SOX5: variants seen among roughly 807,000 people sequenced by gnomAD.
The protein encoded by SOX5 is transcription factor SOX-5.
In SOX5, 9 loss-of-function variants were observed where a neutral mutation model predicts 92.0. The ratio of observed to expected loss-of-function variants is 0.10; its 90% CI spans 0.06 to 0.17. The LOEUF is 0.17. SOX5 is among the 10% of genes least tolerant of loss of function. SOX5 has a pLI of 1.00. For missense variants in SOX5, 642 were observed against 944.5 expected (o/e 0.68, Z 4.20); for synonymous variants, 344 against 336.3 (o/e 1.02, Z -0.25).
At chr12:24,308,194 G>A (rs543760588) in intron 2 of SOX5, among the ~76,000 whole-genome samples, 12 of 152,242 alleles carry the variant, frequency 7.9e-5, no homozygotes, top group African/African-American at 2.2e-4. Flanking sequence ...GTGAGCATGC[G>A]TAGAACTCCA....
rs562762713 is a variant in SOX5 at position 23,913,944 on chromosome 12, G to T, written c.39-17920C>A. On this transcript the variant is annotated intron_variant, in intron 1 of 14. Coordinates refer to ENST00000451604, the MANE Select transcript of SOX5 (RefSeq NM_006940.6). Reference sequence around the variant, plus strand: ...TTATTATCCAATAGCTTAGTCTATAGTGGTCTGATCCAGCATTTCATCCTT... The same window carrying T: ...TTATTATCCAATAGCTTAGTCTATATTGGTCTGATCCAGCATTTCATCCTT... Among the ~76,000 whole-genome samples, 6 of 152,222 alleles carry T rather than the reference G, an allele frequency of 3.9e-5. No individual in the cohort carries two copies. In the East Asian group the frequency reaches 9.6e-4, roughly 24 times the overall value.
intron 11 of SOX5, among the ~76,000 whole-genome samples, chr12:23,559,029 C>T (rs1024699222): frequency 2.6e-5 from 4 of 152,188 alleles, no homozygotes; most frequent in Admixed American, 1.3e-4. Flanking sequence ...GTGACACAAA[C>T]GGAAAAGCTT....
Position 24,505,862 on chromosome 12 carries a change from T to TGTGTGTGCGCGCGC in SOX5, c.-251+56466_-251+56467insGCGCGCGCACACAC, listed in dbSNP as rs1555327830. On this transcript the variant is annotated intron_variant, in intron 1 of 4. Transcript: ENST00000446891. ...GTGTGTGTGTGTGTGTGCGTGTGTG[T>TGTGTGTGCGCGCGC]GTGTGTGTGTGCGCATCACTGCAGG... Among the ~76,000 whole-genome samples the TGTGTGTGCGCGCGC allele has an allele frequency of 2.1e-3, 289 of 140,114 alleles. 1 individual carries two copies. Among genetic ancestry groups the TGTGTGTGCGCGCGC allele is most frequent in the African/African-American group, 7.3e-3 (278 of 38,268 alleles). The allele number at this position is 140,114 out of a possible 152,430, so 91.9% of individuals were successfully genotyped here.
intron 2 of SOX5, among the ~76,000 whole-genome samples, chr12:24,292,532 C>A (rs1392939897): frequency 6.6e-6 from 1 of 152,126 alleles, no homozygotes; most frequent in Non-Finnish European, 1.5e-5. Flanking sequence ...TTTTGTGAGA[C>A]TTGAAACTTA....
At chr12:24,207,426 C>A (rs192360064) in intron 4 of SOX5, among the ~76,000 whole-genome samples, 9 of 151,812 alleles carry the variant, frequency 5.9e-5, no homozygotes, top group African/African-American at 2.2e-4. Flanking sequence ...AATAAGGGTG[C>A]CTGTCACAGA....
At chr12:23,630,229 A>G (rs1159465784) in intron 8 of SOX5, among the ~76,000 whole-genome samples, 1 of 151,976 alleles carries the variant, frequency 6.6e-6, no homozygotes, top group African/African-American at 2.4e-5. Flanking sequence ...CATTACCTCC[A>G]TGGAAAAATG....
intron 3 of SOX5, among the ~76,000 whole-genome samples, chr12:24,269,732 C>A (rs1414464392): frequency 1.4e-5 from 2 of 147,432 alleles, no homozygotes; most frequent in Admixed American, 6.8e-5. Flanking sequence ...CTTTGTGGCC[C>A]CGCTGGCACG....
At chr12:24,278,826 A>T (rs988182241) in intron 2 of SOX5, among the ~76,000 whole-genome samples, 12 of 152,108 alleles carry the variant, frequency 7.9e-5, no homozygotes, top group Admixed American at 5.9e-4. Context: ...GATTTTTAAA[A>T]ATGTATTTCC....
At chr12:23,672,462 C>T (rs1016919250) in intron 6 of SOX5, among the ~76,000 whole-genome samples, 8 of 151,992 alleles carry the variant, frequency 5.3e-5, no homozygotes, top group African/African-American at 1.7e-4. Flanking sequence ...GCCCCTGGGC[C>T]CTATGAGTTT....
chr12:23,800,603 A>G (rs1426284804), intron 3 of SOX5, among the ~76,000 whole-genome samples: 2 of 152,116 alleles, frequency 1.3e-5, no homozygotes, highest in African/African-American at 2.4e-5. Context: ...CAGCTACACC[A>G]CTAAACTGTT....
chr12:24,539,083 C>G (rs1951893315), intron 1 of SOX5, among the ~76,000 whole-genome samples: 1 of 151,654 alleles, frequency 6.6e-6, no homozygotes, highest in African/African-American at 2.4e-5. Flanking sequence ...ATTTAGTCCC[C>G]CAAAACTCAT....
intron 4 of SOX5, among the ~76,000 whole-genome samples, chr12:24,132,621 C>T (rs1313793245): frequency 1.3e-5 from 2 of 152,020 alleles, no homozygotes; most frequent in African/African-American, 2.4e-5. Context: ...CTCTAGGAAA[C>T]CAAATTTATA....
At chr12:24,126,655 AT>A (rs1949133429) in intron 4 of SOX5, among the ~76,000 whole-genome samples, 1 of 152,174 alleles carries the variant, frequency 6.6e-6, no homozygotes. Flanking sequence ...AAACCCGACA[AT>A]TGCATTCCCT....
chr12:24,174,514 G>C (rs982858337), intron 4 of SOX5, among the ~76,000 whole-genome samples: 5 of 152,036 alleles, frequency 3.3e-5, no homozygotes, highest in East Asian at 1.9e-4. Flanking sequence ...GAATGAGTGG[G>C]GGGGGGAACC....
chr12:23,899,114 A>T (rs944829859), intron 1 of SOX5, among the ~76,000 whole-genome samples: 15 of 152,318 alleles, frequency 9.8e-5, no homozygotes, highest in African/African-American at 3.6e-4. Flanking sequence ...AAGTCTCATT[A>T]AGAAGGCACC....
At chr12:24,495,837 A>T (rs987381014) in intron 1 of SOX5, among the ~76,000 whole-genome samples, 2 of 152,200 alleles carry the variant, frequency 1.3e-5, no homozygotes, top group African/African-American at 2.4e-5. Flanking sequence ...AGGAATGCAG[A>T]TCTCCATCTA....
At chr12:24,167,165 C>T (rs1029336496) in intron 4 of SOX5, among the ~76,000 whole-genome samples, 1 of 152,020 alleles carries the variant, frequency 6.6e-6, no homozygotes, top group African/African-American at 2.4e-5. Context: ...TACTTATTTC[C>T]CAAATGACAT....
intron 1 of SOX5, among the ~76,000 whole-genome samples, chr12:24,419,448 G>A (rs1036881131): frequency 6.6e-6 from 1 of 152,080 alleles, no homozygotes; most frequent in African/African-American, 2.4e-5. Flanking sequence ...CCGAGTAGGG[G>A]CATTTTATTC....
intron 4 of SOX5, among the ~76,000 whole-genome samples, chr12:24,023,991 C>T (rs571125032): frequency 6.6e-6 from 1 of 152,006 alleles, no homozygotes; most frequent in East Asian, 1.9e-4. Flanking sequence ...GTGGTAGAAC[C>T]ATGCTTTTGA....
Sources: allele counts gnomAD v4.1 joint callset (sites outside exome capture counted in the v4.1 genomes callset), GRCh38; gene constraint gnomAD v4.1.1; transcripts MANE v1.5; gene names NCBI Gene and HGNC (gene_info 2026-07-23, HGNC 2026-07-21).